The following SLC36A1 variants were observed in gnomAD, a reference collection of about 807,000 sequenced individuals.
SLC36A1 encodes solute carrier family 36 member 1, also known as proton-coupled amino acid transporter 1.
A neutral mutation model predicts 47.5 loss-of-function variants in SLC36A1; 30 were observed. That is an observed-to-expected ratio of 0.63 (90% CI 0.47 to 0.86). The LOEUF (loss-of-function observed/expected upper bound fraction) is 0.86. SLC36A1 is among the 40% of genes least tolerant of loss of function. SLC36A1 has a pLI of 0.00. For synonymous variants in SLC36A1, 255 were observed against 249.7 expected (o/e 1.02, Z -0.20); for missense variants, 517 against 606.0 (o/e 0.85, Z 1.54).
chr5:151,352,491 A>G, the SLC36A1 span, among the ~76,000 whole-genome samples: 1 of 152,338 alleles, frequency 6.6e-6, no homozygotes, highest in Non-Finnish European at 1.5e-5. Flanking sequence ...CTGCTCTAAC[A>G]AATTGCCATA....
the SLC36A1 span, chr5:151,504,616 C>A: frequency 6.5e-6 from 1 of 152,690 alleles, no homozygotes; most frequent in Non-Finnish European, 1.5e-5. Context: ...GTTCAGACTT[C>A]CTTGTGTCTA....
At chr5:151,457,456 C>T (rs915148122) in intron 1 of SLC36A1, among the ~76,000 whole-genome samples, 1 of 152,048 alleles carries the variant, frequency 6.6e-6, no homozygotes. Context: ...AGTAAATCCA[C>T]CCAGGGGACA....
At chr5:151,382,076 C>A in the SLC36A1 span, 1 of 760,730 alleles carries the variant, frequency 1.3e-6, no homozygotes, top group Non-Finnish European at 2.3e-6. Flanking sequence ...CTGATGTAAC[C>A]CCCAAAGAGA....
the SLC36A1 span, chr5:151,545,797 A>C: frequency 1.2e-6 from 2 of 1,614,226 alleles, no homozygotes; most frequent in Admixed American, 3.3e-5. Flanking sequence ...TTTATCCATG[A>C]TCATGCTATA....
the SLC36A1 span, chr5:151,554,579 G>A: frequency 1.2e-6 from 2 of 1,614,210 alleles, no homozygotes; most frequent in South Asian, 2.2e-5. Context: ...GAGCTTGTGG[G>A]AGAATATAGG....
chr5:151,533,393 A>AACACACACACACACAC, the SLC36A1 span, among the ~76,000 whole-genome samples: 2 of 132,112 alleles, frequency 1.5e-5, no homozygotes, highest in African/African-American at 2.8e-5. Flanking sequence ...TGTTATCTCC[A>AACACACACACACACAC]ACACACACAC....
chr5:151,545,695 T>C, the SLC36A1 span: 3 of 1,614,174 alleles, frequency 1.9e-6, no homozygotes, highest in Non-Finnish European at 2.5e-6. Context: ...TTTGAAAAAC[T>C]TCAAGGCCTC....
the SLC36A1 span, among the ~76,000 whole-genome samples, chr5:151,355,059 C>T: frequency 6.6e-6 from 1 of 152,180 alleles, no homozygotes; most frequent in Admixed American, 6.5e-5. Context: ...CAACAATGAA[C>T]TGTAACCAGC....
chr5:151,375,831 A>G, the SLC36A1 span, among the ~76,000 whole-genome samples: 1 of 152,150 alleles, frequency 6.6e-6, no homozygotes, highest in Non-Finnish European at 1.5e-5. Context: ...TGATTTTTGT[A>G]TATTGATTTT....
At chr5:151,531,912 G>T in the SLC36A1 span, 3 of 1,614,200 alleles carry the variant, frequency 1.9e-6, no homozygotes, top group South Asian at 2.2e-5. The surrounding 1 kb of genome is among the most constrained non-coding windows in gnomAD (Gnocchi z 5.7). Flanking sequence ...TGGTGGCGTC[G>T]ATGGAAAAGT....
the SLC36A1 span, among the ~76,000 whole-genome samples, chr5:151,360,778 A>G: frequency 1.9e-4 from 29 of 152,312 alleles, no homozygotes; most frequent in African/African-American, 6.5e-4. Context: ...TTAAATGCCA[A>G]TTAGTTTTCT....
intron 10 of SLC36A1, 125 bp downstream of exon 10, chr5:151,479,614 C>A: frequency 1.8e-6 from 2 of 1,082,174 alleles, no homozygotes; most frequent in Non-Finnish European, 2.6e-6. Context: ...GAGAACCTGG[C>A]CCATGGCCTC....
chr5:151,513,803 TTTA>T, the SLC36A1 span, among the ~76,000 whole-genome samples: 1 of 152,190 alleles, frequency 6.6e-6, no homozygotes, highest in Non-Finnish European at 1.5e-5. Flanking sequence ...GACATGTGAG[TTTA>T]TTATTTCTAA....
the SLC36A1 span, among the ~76,000 whole-genome samples, chr5:151,415,759 T>G: frequency 6.6e-6 from 1 of 152,092 alleles, no homozygotes. Context: ...ATGAATGAAT[T>G]AAGGAGTGAA....
chr5:151,353,217 C>T, the SLC36A1 span, among the ~76,000 whole-genome samples: 1 of 152,096 alleles, frequency 6.6e-6, no homozygotes, highest in Non-Finnish European at 1.5e-5. Flanking sequence ...ATATCATAGA[C>T]TCATAGTACT....
chr5:151,371,777 A>G, the SLC36A1 span, among the ~76,000 whole-genome samples: 11 of 152,358 alleles, frequency 7.2e-5, no homozygotes, highest in Non-Finnish European at 1.5e-4. Flanking sequence ...GGAAGAAACT[A>G]AAACTTTCTA....
At chr5:151,532,099 T>C in the SLC36A1 span, 28 of 1,219,954 alleles carry the variant, frequency 2.3e-5, no homozygotes, top group Non-Finnish European at 3.2e-5. Context: ...GGCTTGGGTA[T>C]ATGAAGAGTG....
the SLC36A1 span, chr5:151,505,498 G>C: frequency 9.2e-5 from 146 of 1,591,264 alleles, no homozygotes; most frequent in Non-Finnish European, 1.2e-4. Context: ...CACCCCCTAC[G>C]AGACAGGAAG....
the SLC36A1 span, among the ~76,000 whole-genome samples, chr5:151,390,192 G>A: frequency 2.0e-5 from 3 of 152,148 alleles, no homozygotes; most frequent in East Asian, 3.8e-4. Flanking sequence ...GTGTCTGTTG[G>A]CTGCAGAAAC....
Sources: allele counts gnomAD v4.1 joint callset (sites outside exome capture counted in the v4.1 genomes callset), GRCh38; gene constraint gnomAD v4.1.1; non-coding constraint Gnocchi (gnomAD v3.1); transcripts MANE v1.5; gene names NCBI Gene and HGNC (gene_info 2026-07-23, HGNC 2026-07-21).